SERPINE2: variants seen among roughly 807,000 people sequenced by gnomAD.
SERPINE2 encodes serpin family E member 2, also known as glia-derived nexin.
SERPINE2 carries 14 observed loss-of-function variants against 36.3 expected under a neutral mutation model. That is an observed-to-expected ratio of 0.39 (90% CI 0.25 to 0.60). SERPINE2 has a LOEUF of 0.60. SERPINE2 is among the 20% of genes least tolerant of loss of function. SERPINE2 has a pLI of 0.57. For missense variants in SERPINE2, 418 were observed against 499.6 expected, an observed-to-expected ratio of 0.84 and a Z score of 1.56; for synonymous variants, 192 against 191.8, an observed-to-expected ratio of 1.00 and a Z score of -0.01.
intron 1 of SERPINE2, among the ~76,000 whole-genome samples, chr2:224,010,618 C>T (rs1204757734): frequency 6.6e-6 from 1 of 152,174 alleles, no homozygotes; most frequent in African/African-American, 2.4e-5. Flanking sequence ...AATTCCAATC[C>T]TACTACCCAT....
chr2:224,009,694 CA>C (rs141729141), intron 1 of SERPINE2, among the ~76,000 whole-genome samples: 10 of 146,944 alleles, frequency 6.8e-5, no homozygotes, highest in South Asian at 4.3e-4. Context: ...GACTCTGTCT[CA>C]AAAAAAAAAC....
At chr2:224,021,495 T>G (rs935625155) in intron 1 of SERPINE2, among the ~76,000 whole-genome samples, 1 of 152,208 alleles carries the variant, frequency 6.6e-6, no homozygotes, top group Non-Finnish European at 1.5e-5. Flanking sequence ...CCTTAAGGAC[T>G]AAGAAAAGAG....
chr2:224,014,777 TC>T (rs1428563307), intron 1 of SERPINE2, among the ~76,000 whole-genome samples: 1 of 152,180 alleles, frequency 6.6e-6, no homozygotes, highest in Non-Finnish European at 1.5e-5. Flanking sequence ...TAAACAAGTG[TC>T]CCCTATTAAG....
At chr2:223,997,466 C>T (rs1428472905) in intron 3 of SERPINE2, among the ~76,000 whole-genome samples, 2 of 152,162 alleles carry the variant, frequency 1.3e-5, no homozygotes, top group African/African-American at 4.8e-5. Flanking sequence ...GTGATCCACC[C>T]ACCTTGGCCT....
chr2:224,019,770 A>ATTTTTTTTTT (rs1261601893), intron 1 of SERPINE2, among the ~76,000 whole-genome samples: 5 of 129,288 alleles, frequency 3.9e-5, no homozygotes, highest in Admixed American at 7.8e-5. Context: ...TTTTTTAAAA[A>ATTTTTTTTTT]AAAAAAAAGA....
intron 4 of SERPINE2, among the ~76,000 whole-genome samples, chr2:223,987,696 TGGA>T (rs1480650173): frequency 5.9e-5 from 9 of 152,352 alleles, no homozygotes; most frequent in East Asian, 5.8e-4. Context: ...ATTAAAAATG[TGGA>T]GGAGATTTAG....
intron 1 of SERPINE2, among the ~76,000 whole-genome samples, chr2:224,033,215 A>T (rs1390272437): frequency 6.6e-6 from 1 of 152,218 alleles, no homozygotes; most frequent in African/African-American, 2.4e-5. Context: ...TTATGTGTGG[A>T]GAACAGGTTG....
At chr2:224,019,554 ACCATGGCACCCCAGCCTC>A (rs1691922400) in intron 1 of SERPINE2, among the ~76,000 whole-genome samples, 2 of 88,016 alleles carry the variant, frequency 2.3e-5, no homozygotes, top group African/African-American at 1.2e-4. Flanking sequence ...CATCCTGTTC[ACCATGGCACCCCAGCCTC>A]CAGCATGGCA....
intron 4 of SERPINE2, 191 bp from the exon 5 acceptor site, chr2:223,985,141 C>A (rs1288220436): frequency 6.7e-6 from 4 of 599,936 alleles, no homozygotes; most frequent in Non-Finnish European, 1.2e-5. Flanking sequence ...ATTCTCCTTT[C>A]TTCAGTCTAG....
In SERPINE2 at chr2:224,013,308, C is replaced by T. The variant is rs868113507; in HGVS notation, c.-22-11386G>A. 2.0e-4 allele frequency among the ~76,000 whole-genome samples: 31 copies of T among 152,290 alleles called. 1 individual carries two copies. In the South Asian group the frequency reaches 2.1e-3, roughly 10 times the overall value. ...CCTAGAAAAGGCATCTCTGTTTATC[C>T]ATAAGGCATGGACTCTCCTTGTGAG... On this transcript the variant is annotated intron_variant, in intron 1 of 8. Coordinates refer to ENST00000409304, the MANE Select transcript of SERPINE2 (RefSeq NM_001136528.2).
At chr2:223,992,358 T>TC (rs1690709657) in intron 3 of SERPINE2, among the ~76,000 whole-genome samples, 3 of 147,344 alleles carry the variant, frequency 2.0e-5, no homozygotes, top group Non-Finnish European at 3.0e-5. Context: ...TTCTTCTTCT[T>TC]TTCTTTTTTT....
At chr2:223,982,628 TCA>T in intron 6 of SERPINE2, 51 bp downstream of exon 6, 1 of 1,079,024 alleles carries the variant, frequency 9.3e-7, no homozygotes, top group South Asian at 1.3e-5. Flanking sequence ...CAAATCAGTC[TCA>T]GTTTGTAACA....
intron 1 of SERPINE2, among the ~76,000 whole-genome samples, chr2:224,020,513 G>A (rs886093917): frequency 6.6e-6 from 1 of 152,120 alleles, no homozygotes; most frequent in Non-Finnish European, 1.5e-5. Context: ...ATCTCACTCC[G>A]TTTGCCCCTC....
In SERPINE2 at chr2:223,985,928, A is replaced by G. The variant is rs1020443797; in HGVS notation, c.686-978T>C. Among the ~76,000 whole-genome samples the G allele has an allele frequency of 3.1e-4, 47 of 152,234 alleles. 1 individual carries two copies. Among genetic ancestry groups the G allele is most frequent in the African/African-American group, 1.1e-3 (44 of 41,474 alleles). On this transcript the variant is annotated intron_variant, in intron 4 of 8. Transcript: ENST00000409304. ...TTATTTGGAGAACAGTCTACCTGCA[A>G]GATGCTCTATAGACAAAACAGATTC...
chr2:224,001,537 G>A, intron 2 of SERPINE2, 105 bp downstream of exon 2: 2 of 1,346,856 alleles, frequency 1.5e-6, no homozygotes, highest in Non-Finnish European at 2.0e-6. Flanking sequence ...ATCCCCTTCT[G>A]GCTGCTCTGC....
intron 1 of SERPINE2, chr2:224,013,710 C>T (rs115663590): frequency 6.6e-6 from 1 of 152,098 alleles, no homozygotes; most frequent in African/African-American, 2.4e-5. Context: ...AGTGACCAGG[C>T]GGTAGGTGGG....
intron 2 of SERPINE2, among the ~76,000 whole-genome samples, chr2:224,000,253 T>C (rs1225642563): frequency 6.6e-6 from 1 of 152,080 alleles, no homozygotes. Flanking sequence ...AATGTGACTT[T>C]TGCAAGGTCA....
intron 3 of SERPINE2, among the ~76,000 whole-genome samples, chr2:223,994,277 G>A (rs1690790999): frequency 6.6e-6 from 1 of 152,200 alleles, no homozygotes; most frequent in African/African-American, 2.4e-5. Flanking sequence ...GGAGCATACA[G>A]GCAGTGCTCA....
chr2:223,994,826 C>T (rs1690813759), intron 3 of SERPINE2, among the ~76,000 whole-genome samples: 1 of 152,184 alleles, frequency 6.6e-6, no homozygotes. Flanking sequence ...CATCCTCACA[C>T]CAGCCTTAAT....
Sources: gnomAD v4.1 joint callset for allele counts (sites outside exome capture counted in the v4.1 genomes callset) on GRCh38, gnomAD v4.1.1 for gene constraint, MANE v1.5 for transcripts, NCBI Gene and HGNC (gene_info 2026-07-23, HGNC 2026-07-21) for gene names.